ARNT2: variants seen among roughly 807,000 people sequenced by gnomAD.
ARNT2 encodes the protein ARNT protein 2.
Under a neutral mutation model 91.7 loss-of-function variants are expected in ARNT2, and 36 were observed. The observed-to-expected ratio is 0.39, with a 90% CI of 0.30 to 0.52. The LOEUF is 0.52. Ranked by LOEUF, ARNT2 falls within the 20% of genes least tolerant of loss-of-function variation. The pLI, the probability that ARNT2 is intolerant of heterozygous loss-of-function variation, is 0.72. For missense variants in ARNT2, 775 were observed against 939.3 expected, an observed-to-expected ratio of 0.83 and a Z score of 2.29; for synonymous variants, 365 against 347.1, an observed-to-expected ratio of 1.05 and a Z score of -0.57.
chr15:80,484,757 C>G (rs1319735520), intron 5 of ARNT2, among the ~76,000 whole-genome samples: 1 of 152,204 alleles, frequency 6.6e-6, no homozygotes, highest in Non-Finnish European at 1.5e-5. Context: ...GAAGGCTGGC[C>G]TCCCTGCACA....
At chr15:80,451,479 G>T (rs1171843156) in intron 2 of ARNT2, among the ~76,000 whole-genome samples, 1 of 152,220 alleles carries the variant, frequency 6.6e-6, no homozygotes, top group African/African-American at 2.4e-5. Flanking sequence ...TGCTCTGCTG[G>T]TGAAGGTGGT....
chr15:80,449,484 G>A (rs1896355846), intron 1 of ARNT2, among the ~76,000 whole-genome samples: 1 of 152,120 alleles, frequency 6.6e-6, no homozygotes, highest in African/African-American at 2.4e-5. Flanking sequence ...GTCTAAAGGG[G>A]AGAGAATTAC....
rs58958624 is a variant in ARNT2, at chr15:80,491,796, C to CTT, written c.623-16336_623-16335dup. Among the ~76,000 whole-genome samples the CTT allele has an allele frequency of 1.2e-3, 79 of 67,612 alleles. 1 individual carries two copies. The highest frequency in any genetic ancestry group is 2.2e-3 in the African/African-American group (35 of 15,784). The allele number at this position is 67,612 out of a possible 152,430, so 44.4% of individuals were successfully genotyped here. On this transcript the variant is annotated intron_variant, in intron 5 of 18. Transcript: ENST00000303329. Reference sequence around the variant, plus strand: ...ATCTCATTTACTTCTCAGGACAGGCCTTTTTTTTTTTTTTTTTTTTTTTTT... The same window carrying CTT: ...ATCTCATTTACTTCTCAGGACAGGCCTTTTTTTTTTTTTTTTTTTTTTTTTTT...
chr15:80,529,086 T>A (rs1256834483), intron 8 of ARNT2, among the ~76,000 whole-genome samples: 1 of 152,170 alleles, frequency 6.6e-6, no homozygotes. Flanking sequence ...TTAAAATAAT[T>A]TCTTACAAGA....
chr15:80,470,206 C>G lies in ARNT2; in HGVS notation c.195-12C>G. On this transcript the variant is annotated splice_polypyrimidine_tract_variant and intron_variant, in intron 3 of 18. Coordinates refer to ENST00000303329, the MANE Select transcript of ARNT2 (RefSeq NM_014862.4). ...TTTTTCCCCCTCTCCTGATCTCGTG[C>G]TTTCTGGAAAGAGAGAATCATAGTG... 6.2e-7 allele frequency: 1 copy of G among 1,612,254 alleles called. No homozygotes were observed. Among genetic ancestry groups the G allele is most frequent in the Non-Finnish European group, 8.5e-7 (1 of 1,178,948 alleles).
At chr15:80,424,388 T>A (rs1332993806) in intron 1 of ARNT2, among the ~76,000 whole-genome samples, 1 of 152,216 alleles carries the variant, frequency 6.6e-6, no homozygotes, top group Non-Finnish European at 1.5e-5. Context: ...CCATGAGGTT[T>A]TATTTTGTGA....
chr15:80,410,213 G>A (rs948727420), intron 1 of ARNT2, among the ~76,000 whole-genome samples: 1 of 152,168 alleles, frequency 6.6e-6, no homozygotes, highest in Non-Finnish European at 1.5e-5. Context: ...TATACTGGGG[G>A]CAGGGATGCC....
At chr15:80,571,784 T>C (rs1379772958) in intron 12 of ARNT2, among the ~76,000 whole-genome samples, 2 of 152,200 alleles carry the variant, frequency 1.3e-5, no homozygotes, top group Non-Finnish European at 2.9e-5. Flanking sequence ...GCTTTTCCTT[T>C]CCCAAATGGG....
At chr15:80,424,821 C>G (rs1895910617) in intron 1 of ARNT2, among the ~76,000 whole-genome samples, 1 of 150,924 alleles carries the variant, frequency 6.6e-6, no homozygotes, top group Admixed American at 6.6e-5. Context: ...TCTAATTTGT[C>G]TTACCAGTTC....
intron 8 of ARNT2, among the ~76,000 whole-genome samples, chr15:80,531,005 G>A (rs1197482755): frequency 6.6e-6 from 1 of 152,160 alleles, no homozygotes; most frequent in East Asian, 1.9e-4. Context: ...TTTCCCAAAT[G>A]TGTTTGGCCA....
chr15:80,560,582 G>A (rs1044838609), intron 11 of ARNT2, among the ~76,000 whole-genome samples: 4 of 152,228 alleles, frequency 2.6e-5, no homozygotes, highest in African/African-American at 7.2e-5. Flanking sequence ...ACACTGTCTC[G>A]GGCGTTCTAG....
intron 5 of ARNT2, among the ~76,000 whole-genome samples, chr15:80,491,470 A>T (rs1470501646): frequency 6.6e-6 from 1 of 152,132 alleles, no homozygotes. Flanking sequence ...CTTCAACGAC[A>T]TGTGGGAATT....
At chr15:80,574,919 C>G in intron 13 of ARNT2, 68 bp from the exon 14 acceptor site, 1 of 1,550,396 alleles carries the variant, frequency 6.4e-7, no homozygotes, top group Non-Finnish European at 8.8e-7. Context: ...GAGCTGGTGG[C>G]TCCTGGGGAC....
At chr15:80,551,315 G>A in intron 9 of ARNT2, 40 bp downstream of exon 9, 1 of 1,563,526 alleles carries the variant, frequency 6.4e-7, no homozygotes, top group Non-Finnish European at 8.8e-7. Flanking sequence ...TTAAATGAAG[G>A]CTTATTGCCA....
In ARNT2 at chr15:80,498,691, A is replaced by G. The variant is rs142083300; in HGVS notation, c.623-9465A>G. On this transcript the variant is annotated intron_variant, in intron 5 of 18. Transcript: ENST00000303329. ...GTTCTCTACTAAACCAAAAGGAAAA[A>G]TTGAAGAGGAATAAAGACATACACA... 7.2e-5 allele frequency among the ~76,000 whole-genome samples: 11 copies of G among 152,340 alleles called. No homozygotes were observed. The South Asian group carries it at 1.9e-3, about 26-fold the overall frequency.
intron 7 of ARNT2, 92 bp from the exon 8 acceptor site, chr15:80,514,228 G>A: frequency 3.0e-6 from 4 of 1,338,712 alleles, no homozygotes; most frequent in Non-Finnish European, 4.3e-6. Context: ...AGGCAGACAA[G>A]GGAACCCAGT....
chr15:80,534,706 G>A (rs939023590), intron 8 of ARNT2, among the ~76,000 whole-genome samples: 2 of 152,154 alleles, frequency 1.3e-5, no homozygotes, highest in Non-Finnish European at 2.9e-5. Flanking sequence ...TCCCCACTGG[G>A]AACATGAATC....
chr15:80,438,878 A>G (rs780767053), intron 1 of ARNT2, among the ~76,000 whole-genome samples: 38 of 152,282 alleles, frequency 2.5e-4, no homozygotes, highest in South Asian at 4.1e-4. Flanking sequence ...TTTAGTAGAT[A>G]CGGGGTTTCA....
intron 1 of ARNT2, among the ~76,000 whole-genome samples, chr15:80,426,408 C>T (rs1194405348): frequency 1.3e-5 from 2 of 152,148 alleles, no homozygotes; most frequent in African/African-American, 2.4e-5. Context: ...GGGAGTAGAG[C>T]TGAGTTTTAG....
Sources: allele counts gnomAD v4.1 joint callset (sites outside exome capture counted in the v4.1 genomes callset), GRCh38; gene constraint gnomAD v4.1.1; transcripts MANE v1.5; gene names NCBI Gene and HGNC (gene_info 2026-07-23, HGNC 2026-07-21).